Variants in FAM151B observed in about 807,000 individuals in gnomAD.
FAM151B encodes the protein protein FAM151B.
FAM151B carries 24 observed loss-of-function variants against 31.2 expected under a neutral mutation model. The observed-to-expected ratio is 0.77, with a 90% confidence interval of 0.56 to 1.08. The LOEUF (loss-of-function observed/expected upper bound fraction) is 1.08. FAM151B is among the 50% of genes least tolerant of loss of function. The pLI is 0.00. For synonymous variants in FAM151B, 105 were observed against 111.4 expected, an observed-to-expected ratio of 0.94 and a Z score of 0.36; for missense variants, 293 against 328.6, an observed-to-expected ratio of 0.89 and a Z score of 0.84.
At chr5:80,510,279 T>C (rs145131456) in intron 2 of FAM151B, among the ~76,000 whole-genome samples, 573 of 152,342 alleles carry the variant, frequency 3.8e-3, no homozygotes, top group Non-Finnish European at 6.4e-3. Context: ...CTCACTCATA[T>C]GTCAGTGGCC....
rs1745669071 is a variant in FAM151B at position 80,538,455 on chromosome 5, T to TC, written c.672-3218_672-3217insC. On this transcript the variant is annotated intron_variant, in intron 5 of 5. Coordinates refer to ENST00000282226, the MANE Select transcript of FAM151B (RefSeq NM_205548.3). Reference sequence around the variant, plus strand: ...TTCTTTCTTTCTTTCTTTCTCTTTCTTTCTTTCTTTCTTTCTTTCTTTCTT... The same window carrying TC: ...TTCTTTCTTTCTTTCTTTCTCTTTCTCTTCTTTCTTTCTTTCTTTCTTTCTT... Among the ~76,000 whole-genome samples, 434 of 59,442 alleles carry TC rather than the reference T, an allele frequency of 7.3e-3. 6 individuals are homozygous for TC. Among genetic ancestry groups the TC allele is most frequent in the East Asian group, 0.017 (37 of 2,134 alleles). 39.0% of individuals were successfully genotyped at this position (59,442 alleles called of 152,430 possible).
intron 5 of FAM151B, among the ~76,000 whole-genome samples, chr5:80,531,641 T>C (rs1352562636): frequency 2.0e-5 from 3 of 152,158 alleles, no homozygotes; most frequent in African/African-American, 4.8e-5. Context: ...GAAAAAATGC[T>C]CATCATCACT....
intron 2 of FAM151B, among the ~76,000 whole-genome samples, chr5:80,502,999 G>T (rs1179057978): frequency 6.6e-6 from 1 of 152,168 alleles, no homozygotes; most frequent in Non-Finnish European, 1.5e-5. Context: ...ATGCTAATGA[G>T]TACAGGGTTT....
At chr5:80,520,271 G>A (rs1744641850) in intron 4 of FAM151B, among the ~76,000 whole-genome samples, 1 of 152,116 alleles carries the variant, frequency 6.6e-6, no homozygotes, top group Non-Finnish European at 1.5e-5. Flanking sequence ...ATTCACTTAA[G>A]ATTTCTGTAA....
At position 80,532,370 on chromosome 5, in the gene FAM151B, A is replaced by T. The variant is rs142904384; in HGVS notation, c.672-9303A>T. 3.4e-3 allele frequency among the ~76,000 whole-genome samples: 515 copies of T among 151,762 alleles called. 3 individuals are homozygous for T. Among genetic ancestry groups the T allele is most frequent in the African/African-American group, 0.012 (499 of 41,418 alleles). ...GCACCCTAGAACTTAAAAGTATAAT[A>T]AAAAAAAATGTCAACACAAAAACTA... On this transcript the variant is annotated intron_variant, in intron 5 of 5. Coordinates refer to ENST00000282226, the MANE Select transcript of FAM151B (RefSeq NM_205548.3).
chr5:80,535,196 A>G (rs528004764), intron 5 of FAM151B, among the ~76,000 whole-genome samples: 2 of 152,330 alleles, frequency 1.3e-5, no homozygotes, highest in African/African-American at 4.8e-5. Context: ...TGTAGATTCA[A>G]TGCAGTCCCT....
chr5:80,537,482 G>A (rs11743762), intron 5 of FAM151B, among the ~76,000 whole-genome samples: 32,737 of 152,112 alleles, frequency 0.22, 3,732 homozygotes, highest in Non-Finnish European at 0.26. Context: ...CTCCAATGTC[G>A]TAGCGGAGTC....
chr5:80,538,440 CTTTCTTTCTCTTTCTTTCTT>C (rs1320397411), intron 5 of FAM151B, among the ~76,000 whole-genome samples: 965 of 59,320 alleles, frequency 0.016, 4 homozygotes, highest in Non-Finnish European at 0.022. Context: ...TTCTTTCTTT[CTTTCTTTCTCTTTCTTTCTT>C]TCTTTCTTTC....
intron 4 of FAM151B, among the ~76,000 whole-genome samples, chr5:80,521,116 C>CTTTT (rs57212651): frequency 3.2e-4 from 23 of 71,870 alleles, no homozygotes; most frequent in Non-Finnish European, 4.3e-4. Flanking sequence ...TGCACCTGGC[C>CTTTT]TTTTTTTTTT....
chr5:80,509,038 A>G (rs1326770819), intron 2 of FAM151B, among the ~76,000 whole-genome samples: 6 of 152,142 alleles, frequency 3.9e-5, no homozygotes, highest in African/African-American at 7.2e-5. Flanking sequence ...CAGTGACGCA[A>G]TCACAGCTCA....
At chr5:80,501,416 A>T (rs1362879287) in intron 1 of FAM151B, 5 of 560,148 alleles carry the variant, frequency 8.9e-6, no homozygotes, top group African/African-American at 6.1e-5. Flanking sequence ...GTCTACCATG[A>T]TTATTTTTCT....
At chr5:80,540,307 C>A (rs1371835684) in intron 5 of FAM151B, among the ~76,000 whole-genome samples, 1 of 152,178 alleles carries the variant, frequency 6.6e-6, no homozygotes, top group Non-Finnish European at 1.5e-5. Context: ...AGCAGTGACA[C>A]CAAGCTGCTT....
rs1364576764 is a variant in FAM151B at position 80,522,108 on chromosome 5, A to G, written c.641A>G (p.Gln214Arg). The change falls in exon 5 of 6, where the codon CAG becomes CGG. Residue 214 changes from glutamine (Q) to arginine (R), a missense_variant. By Grantham distance (43) the Gln-to-Arg change is conservative (BLOSUM62 1). Coordinates refer to ENST00000282226, the MANE Select transcript of FAM151B (RefSeq NM_205548.3). ...RAALVRQSCS[Q>R]LLWLLKKSNR... ...GCATTAGTCAGGCAGTCTTGTTCTC[A>G]GTTACTTTGGCTGTTAAAGAAATCA... 1 of 1,612,826 alleles carries G rather than the reference A, an allele frequency of 6.2e-7. No individual in the cohort carries two copies. Among genetic ancestry groups the G allele is most frequent in the Non-Finnish European group, 8.5e-7 (1 of 1,179,086 alleles).
chr5:80,528,636 A>C (rs1745080612), intron 5 of FAM151B, among the ~76,000 whole-genome samples: 1 of 152,082 alleles, frequency 6.6e-6, no homozygotes, highest in African/African-American at 2.4e-5. Flanking sequence ...ATGTGCCTGT[A>C]ATCCCAGCTG....
intron 2 of FAM151B, among the ~76,000 whole-genome samples, chr5:80,508,743 C>T (rs761999405): frequency 2.0e-5 from 3 of 152,138 alleles, no homozygotes; most frequent in Non-Finnish European, 4.4e-5. Flanking sequence ...GCCACACCCC[C>T]GTCTCTTTGA....
intron 3 of FAM151B, among the ~76,000 whole-genome samples, chr5:80,514,475 CAAATAA>C (rs1382596997): frequency 1.8e-5 from 2 of 110,382 alleles, no homozygotes; most frequent in African/African-American, 7.5e-5. Flanking sequence ...AACTCCCTCT[CAAATAA>C]TAATAATAAT....
chr5:80,508,501 T>C (rs1744067478), intron 2 of FAM151B, among the ~76,000 whole-genome samples: 2 of 152,088 alleles, frequency 1.3e-5, no homozygotes, highest in African/African-American at 4.8e-5. Context: ...CTCATTGTGG[T>C]GTAGATTTGC....
At chr5:80,494,487 T>TTTTAAGA (rs1743452990) in intron 1 of FAM151B, among the ~76,000 whole-genome samples, 1 of 146,060 alleles carries the variant, frequency 6.8e-6, no homozygotes, top group African/African-American at 2.7e-5. Flanking sequence ...TTTCTTTCTT[T>TTTTAAGA]CTTTCTTTCT....
In FAM151B at chr5:80,488,106, A is replaced by G. The variant is rs1743172852; in HGVS notation, c.-18A>G. ...GGCGCCAGCCTGGGCGCCTGCGCGG[A>G]CGGCGGGCGTCGTCACCATGGCAGC... On this transcript the variant is annotated 5_prime_UTR_variant, in exon 1 of 6. Coordinates refer to ENST00000282226, the MANE Select transcript of FAM151B (RefSeq NM_205548.3). 1.3e-6 allele frequency: 2 copies of G among 1,539,980 alleles called. No individual in the cohort carries two copies. The highest frequency in any genetic ancestry group is 4.9e-5 in the East Asian group (2 of 40,700).
Sources: gnomAD v4.1 joint callset for allele counts (sites outside exome capture counted in the v4.1 genomes callset) on GRCh38, gnomAD v4.1.1 for gene constraint, MANE v1.5 for transcripts, NCBI Gene and HGNC (gene_info 2026-07-23, HGNC 2026-07-21) for gene names.